GBP4: variants seen among roughly 807,000 people sequenced by gnomAD.
The protein encoded by GBP4 is guanylate binding protein 4.
Under a neutral mutation model 62.2 loss-of-function variants are expected in GBP4, and 69 were observed. That is an observed-to-expected ratio of 1.11 (90% CI 0.91 to 1.36). GBP4 has a LOEUF of 1.36. GBP4 is among the 40% of genes most tolerant of loss of function. The probability of loss-of-function intolerance (pLI) is 0.00; values close to 1 mark genes in which losing one functional copy is unlikely to be tolerated. For synonymous variants in GBP4, 278 were observed against 274.6 expected (o/e 1.01, Z -0.12); for missense variants, 697 against 759.3 (o/e 0.92, Z 0.96).
chr1:89,194,281 A>C (rs1480357584), intron 3 of GBP4, among the ~76,000 whole-genome samples: 2 of 152,194 alleles, frequency 1.3e-5, no homozygotes, highest in African/African-American at 4.8e-5. Flanking sequence ...GGGTTTTTAA[A>C]AAAATTTAGA....
intron 3 of GBP4, 146 bp from the exon 4 acceptor site, chr1:89,193,558 T>G: frequency 3.1e-6 from 2 of 646,444 alleles, no homozygotes; most frequent in Non-Finnish European, 5.3e-6. Context: ...GAATTCAAAC[T>G]TCATATTTAG....
intron 3 of GBP4, 30 bp from the exon 4 acceptor site, chr1:89,193,442 G>A (rs1226895645): frequency 5.2e-6 from 8 of 1,540,036 alleles, no homozygotes; most frequent in Admixed American, 3.4e-5. Context: ...AAAGACTTAG[G>A]AGTATTCTCT....
In GBP4 at chr1:89,196,764, C is replaced by T. The variant is rs576414231; in HGVS notation, c.235+346G>A. 9.2e-5 allele frequency among the ~76,000 whole-genome samples: 14 copies of T among 152,252 alleles called. 1 individual carries two copies. The South Asian group carries it at 2.5e-3, about 27-fold the overall frequency. ...TCATATTTATTTTTTAAAACAGGAT[C>T]TATTAAACTATATTTGTGTGCTATT... On this transcript the variant is annotated intron_variant, in intron 2 of 10. Coordinates refer to ENST00000355754, the MANE Select transcript of GBP4 (RefSeq NM_052941.5).
intron 5 of GBP4, among the ~76,000 whole-genome samples, chr1:89,191,850 T>C (rs940911657): frequency 6.6e-6 from 1 of 152,238 alleles, no homozygotes; most frequent in Non-Finnish European, 1.5e-5. Context: ...CAGAAATACT[T>C]TCTGATATTA....
intron 10 of GBP4, among the ~76,000 whole-genome samples, 188 bp downstream of exon 10, chr1:89,186,144 GA>G (rs551481854): frequency 2.1e-4 from 32 of 152,324 alleles, no homozygotes; most frequent in Non-Finnish European, 4.0e-4. Flanking sequence ...AGTCTAACAA[GA>G]AGAAGATGGT....
rs559326743 is a variant in GBP4, at chr1:89,183,252, C to A, written c.*2002G>T. 3.9e-5 allele frequency: 6 copies of A among 152,160 alleles called. No homozygotes were observed. In the East Asian group the frequency reaches 9.7e-4, roughly 24 times the overall value. 9.4% of individuals were successfully genotyped at this position (152,160 alleles called of 1,614,324 possible). On this transcript the variant is annotated 3_prime_UTR_variant, in exon 11 of 11. Coordinates refer to ENST00000355754, the MANE Select transcript of GBP4 (RefSeq NM_052941.5). The stretch of plus-strand genomic sequence containing the variant: ...AGAGTCCAGAAATAATGCTGTACAC[C>A]TACAATCATCTGATCTTGGACAAAG...
In GBP4 at chr1:89,197,934, G is replaced by A. The variant is rs576212108; in HGVS notation, c.41-630C>T. On this transcript the variant is annotated intron_variant, in intron 1 of 10. Coordinates refer to ENST00000355754, the MANE Select transcript of GBP4 (RefSeq NM_052941.5). ...ATTCAGGAGTCCTTTATTAGCCGGC[G>A]ACCGAGAGACGGCTAGTGCTCAAAA... is the stretch of plus-strand genomic sequence containing the variant. Among the ~76,000 whole-genome samples the A allele has an allele frequency of 9.2e-5, 14 of 152,068 alleles. 1 individual carries two copies. The South Asian group carries it at 2.1e-3, about 23-fold the overall frequency.
rs1648031750 is a variant in GBP4, at chr1:89,186,371, G to A, written c.1669C>T (p.Leu557Phe). The A allele has an allele frequency of 2.5e-6, 4 of 1,611,986 alleles. No homozygotes were observed. In the African/African-American group the frequency reaches 4.0e-5, roughly 16 times the overall value. Residue 557 changes from leucine (L) to phenylalanine (F), a missense_variant, in exon 10 of 11, where the codon CTC (leucine) becomes TTC (phenylalanine). Leu to Phe is a conservative substitution (Grantham distance 22). This residue lies in a region of GBP4 where 141 missense variants were observed against 196.6 expected (regional missense o/e 0.72). Transcript: ENST00000355754. ...KKLEEERENL[L>F]REHERLLKHK... is the part of the protein sequence containing the mutation. ...TTTAGCAGCCTTTCATGCTCTCTGA[G>A]AAGGTTTTCCCTTTCCTCCTCCAAC...
chr1:89,186,265 T>C (rs994469796), intron 10 of GBP4, 68 bp downstream of exon 10: 1 of 1,266,130 alleles, frequency 7.9e-7, no homozygotes, highest in Non-Finnish European at 1.1e-6. Flanking sequence ...CCTAAAATTT[T>C]GGTCCTTCCT....
At position 89,193,401 on chromosome 1, in the gene GBP4, C is replaced by A. The variant is rs767244743; in HGVS notation, c.375G>T (p.Lys125Asn). 1 of 1,613,878 alleles carries A rather than the reference C, an allele frequency of 6.2e-7. No individual in the cohort carries two copies. The highest frequency in any genetic ancestry group is 1.1e-5 in the South Asian group (1 of 91,074). ...CCAGGGCAAAGATCCACGAGTCATT[C>A]TTAGGGTTACTCTAGAAAGCATATA... ...GLGDVEKSNP[K>N]NDSWIFALAV... The change falls in exon 4 of 11, where the codon AAG (lysine) becomes AAT (asparagine). Residue 125 changes from lysine (K) to asparagine (N), a missense_variant. This residue lies in a region of GBP4 where 556 missense variants were observed against 562.7 expected (regional missense o/e 0.99). Transcript: ENST00000355754.
Position 89,195,374 on chromosome 1 carries a change from A to C in GBP4, c.286T>G (p.Trp96Gly). The C allele has an allele frequency of 6.2e-7, 1 of 1,614,076 alleles. No homozygotes were observed. Among genetic ancestry groups the C allele is most frequent in the East Asian group, 2.2e-5 (1 of 44,882 alleles). The change falls in exon 3 of 11, where the codon TGG becomes GGG. Residue 96 changes from tryptophan (W) to glycine (G), a missense_variant. By Grantham distance (184) the Trp-to-Gly change is radical. Coordinates refer to ENST00000355754, the MANE Select transcript of GBP4 (RefSeq NM_052941.5). Reference protein sequence around the residue: ...VQSETKGIWMWCVPHLSKPNH... With the variant: ...VQSETKGIWMGCVPHLSKPNH... Reference sequence around the variant, plus strand: ...GGCTTAGAGAGGTGGGGCACACACCACATCCAGATGCCCTTAGTTTCAGAC... The same window carrying C: ...GGCTTAGAGAGGTGGGGCACACACCCCATCCAGATGCCCTTAGTTTCAGAC...
At chr1:89,197,020 C>T in intron 2 of GBP4, 90 bp downstream of exon 2, 1 of 1,040,380 alleles carries the variant, frequency 9.6e-7, no homozygotes, top group South Asian at 2.0e-5. Flanking sequence ...AGAAGTCATG[C>T]CCTTCTTTAG....
rs1648102095 is a variant in GBP4 at position 89,188,651 on chromosome 1, G to T, written c.1341C>A (p.His447Gln). 6.2e-7 allele frequency: 1 copy of T among 1,614,048 alleles called. No individual in the cohort carries two copies. The highest frequency in any genetic ancestry group is 8.5e-7 in the Non-Finnish European group (1 of 1,180,022). Reference sequence around the variant, plus strand: ...GTTTCTTTTCTTCTAAGTAGAGATTGTGTCCTCCAGGAACAGAGAAAATTC... The same window carrying T: ...GTTTCTTTTCTTCTAAGTAGAGATTTTGTCCTCCAGGAACAGAGAAAATTC... ...LRGIFSVPGG[H>Q]NLYLEEKKQV... The change falls in exon 8 of 11, where the codon CAC becomes CAA. Residue 447 changes from histidine (H) to glutamine (Q), a missense_variant. By Grantham distance (24) the His-to-Gln change is conservative. Around this residue, in one of 2 missense-constraint regions of GBP4, gnomAD observed 556 missense variants for 562.7 expected, o/e 0.99. Coordinates refer to ENST00000355754, the MANE Select transcript of GBP4 (RefSeq NM_052941.5).
At chr1:89,187,577 A>G (rs1648068709) in intron 8 of GBP4, among the ~76,000 whole-genome samples, 1 of 152,338 alleles carries the variant, frequency 6.6e-6, no homozygotes, top group African/African-American at 2.4e-5. Context: ...CACACCATAA[A>G]TCTGATACTG....
chr1:89,188,267 C>T (rs1648091797), intron 8 of GBP4, among the ~76,000 whole-genome samples: 1 of 152,150 alleles, frequency 6.6e-6, no homozygotes, highest in Non-Finnish European at 1.5e-5. Flanking sequence ...TAAAATAATA[C>T]ACTTCTGAAA....
rs894679809 is a variant in GBP4 at position 89,184,395 on chromosome 1, G to A, written c.*859C>T. ...CATTGTACCATAAAGGCACATGCAC[G>A]TGTATGTCCATTGCAGCACTGTTCA... On this transcript the variant is annotated 3_prime_UTR_variant, in exon 11 of 11. Transcript: ENST00000355754. 2 of 152,174 alleles carry A rather than the reference G, an allele frequency of 1.3e-5. No individual in the cohort carries two copies. The highest frequency in any genetic ancestry group is 2.1e-4 in the South Asian group (1 of 4,826). The allele number at this position is 152,174 out of a possible 1,614,324, so 9.4% of individuals were successfully genotyped here. A position where few individuals can be genotyped will look rare whatever the true frequency, so the allele number is the denominator to read the frequency against.
Position 89,194,192 on chromosome 1 carries a change from AT to A in GBP4, c.364-781del, listed in dbSNP as rs1243533618. ...TAAAAGGGCATTACACAGTTATTTC[AT>A]TTGCCTGAAGCAGTGAGTATGCATG... On this transcript the variant is annotated intron_variant, in intron 3 of 10. Transcript: ENST00000355754. Among the ~76,000 whole-genome samples the A allele has an allele frequency of 1.2e-4, 18 of 152,184 alleles. 1 individual carries two copies. Among genetic ancestry groups the A allele is most frequent in the Admixed American group, 6.5e-4 (10 of 15,276 alleles).
At position 89,197,266 on chromosome 1, in the gene GBP4, A is replaced by C; in HGVS notation, c.79T>G (p.Cys27Gly). ...ESESIMMAPI[C>G]LVENQEEQLT... ...TGCTCTTCCTGGTTTTCCACTAGAC[A>C]AATGGGGGCCATCATGATGGATTCA... Residue 27 changes from cysteine to glycine, a missense_variant, in exon 2 of 11, where the codon TGT becomes GGT. Transcript: ENST00000355754. The C allele has an allele frequency of 3.1e-6, 5 of 1,614,102 alleles. No individual in the cohort carries two copies. Among genetic ancestry groups the C allele is most frequent in the Non-Finnish European group, 4.2e-6 (5 of 1,179,980 alleles).
Position 89,193,048 on chromosome 1 carries a change from C to T in GBP4, c.526G>A (p.Asp176Asn), listed in dbSNP as rs1363202000. The T allele has an allele frequency of 6.2e-7, 1 of 1,614,228 alleles. No individual in the cohort carries two copies. The highest frequency in any genetic ancestry group is 1.1e-5 in the South Asian group (1 of 91,084). ...AACTCGCTGGAGTCCTCAGCTTCAT[C>T]AGGTCTGGGGCAGGATTTTGCCCTG... ...LIRAKSCPRP[D>N]EAEDSSEFAS... Residue 176 changes from aspartate (D) to asparagine (N), a missense_variant, in exon 5 of 11, where the codon GAT becomes AAT. This residue lies in a region of GBP4 where 556 missense variants were observed against 562.7 expected (regional missense o/e 0.99). Transcript: ENST00000355754.
Sources: allele counts gnomAD v4.1 joint callset (sites outside exome capture counted in the v4.1 genomes callset), GRCh38; gene constraint gnomAD v4.1.1; regional missense constraint gnomAD v4.1.1; transcripts MANE v1.5; gene names NCBI Gene and HGNC (gene_info 2026-07-23, HGNC 2026-07-21).